The following MTUS1 variants were observed in gnomAD, a reference collection of about 807,000 sequenced individuals.
MTUS1 encodes the protein microtubule associated scaffold protein 1.
In MTUS1, 109 loss-of-function variants were observed where a neutral mutation model predicts 120.8. The ratio of observed to expected loss-of-function variants is 0.90; its 90% confidence interval spans 0.77 to 1.06. The LOEUF (loss-of-function observed/expected upper bound fraction) is 1.06. Among genes scored for constraint, MTUS1 ranks in the 50% least tolerant of loss-of-function variants. The pLI is 0.00. For missense variants in MTUS1, 2,210 were observed against 1,486.3 expected (o/e 1.49, Z -8.01); for synonymous variants, 737 against 550.5 (o/e 1.34, Z -4.74).
chr8:17,694,988 T>G (rs1315983307), intron 6 of MTUS1, among the ~76,000 whole-genome samples: 1 of 152,122 alleles, frequency 6.6e-6, no homozygotes, highest in Non-Finnish European at 1.5e-5. Flanking sequence ...AAGGCTACAA[T>G]CCAGGCCTCT....
chr8:17,725,648 G>GA (rs753881255), intron 3 of MTUS1, among the ~76,000 whole-genome samples: 54 of 152,200 alleles, frequency 3.5e-4, no homozygotes, highest in South Asian at 8.3e-4. Flanking sequence ...TCCTAAATGT[G>GA]AAAATTAAGG....
chr8:17,721,669 A>T, intron 4 of MTUS1: 1 of 1,524,174 alleles, frequency 6.6e-7, no homozygotes, highest in Non-Finnish European at 8.8e-7. Flanking sequence ...ATAAAAATTT[A>T]AGCATGCTTA....
At chr8:17,669,612 G>A (rs913535454) in intron 8 of MTUS1, among the ~76,000 whole-genome samples, 9 of 152,098 alleles carry the variant, frequency 5.9e-5, no homozygotes, top group Non-Finnish European at 1.2e-4. Context: ...TTGGGAGGCC[G>A]CAGCAGGTGG....
rs759412671 is a variant in MTUS1 at position 17,754,012 on chromosome 8, T to C, written c.1796A>G (p.His599Arg). The C allele has an allele frequency of 6.2e-7, 1 of 1,614,222 alleles. No individual in the cohort carries two copies. The highest frequency in any genetic ancestry group is 1.1e-5 in the South Asian group (1 of 91,084). The change falls in exon 2 of 15, where the codon CAC becomes CGC. Residue 599 changes from histidine (H) to arginine (R), a missense_variant. Coordinates refer to ENST00000693296, the MANE Select transcript of MTUS1 (RefSeq NM_001363059.2). ...GGCAGATGTTGTTCTTGGAACCCTG[T>C]GTGAAGCATTTTTAGAATGAGTTGT... ...HVTTHSKNAS[H>R]RVPRTTSAVK... is the part of the protein sequence containing the mutation.
intron 9 of MTUS1, among the ~76,000 whole-genome samples, 159 bp downstream of exon 9, chr8:17,655,704 C>A (rs895017867): frequency 9.2e-5 from 14 of 152,078 alleles, no homozygotes; most frequent in African/African-American, 2.7e-4. Context: ...AGCCTCCAGC[C>A]TGGGAGACAG....
At chr8:17,660,560 G>A (rs548956762) in intron 8 of MTUS1, among the ~76,000 whole-genome samples, 85 of 152,194 alleles carry the variant, frequency 5.6e-4, no homozygotes, top group Admixed American at 4.7e-3. Context: ...AGAAGGAATT[G>A]CTGACTCATA....
rs531142336 is a variant in MTUS1, at chr8:17,649,232, T to C, written c.3501+614A>G. The stretch of plus-strand genomic sequence containing the variant: ...CCACCACACCCGGCTAAGTTTTATA[T>C]TTTTAGTAGAGACAGGGTTTCACCA... On this transcript the variant is annotated intron_variant, in intron 13 of 14. Coordinates refer to ENST00000693296, the MANE Select transcript of MTUS1 (RefSeq NM_001363059.2). Among the ~76,000 whole-genome samples, 4 of 152,082 alleles carry C rather than the reference T, an allele frequency of 2.6e-5. No individual in the cohort carries two copies. In the South Asian group the frequency reaches 8.3e-4, roughly 32 times the overall value.
At chr8:17,661,390 T>C (rs1356965899) in intron 8 of MTUS1, among the ~76,000 whole-genome samples, 7 of 152,192 alleles carry the variant, frequency 4.6e-5, no homozygotes, top group Admixed American at 2.0e-4. Flanking sequence ...GAAGCTCATA[T>C]CTGGGACAGA....
intron 7 of MTUS1, among the ~76,000 whole-genome samples, chr8:17,683,696 G>A (rs941844147): frequency 9.2e-5 from 14 of 152,072 alleles, no homozygotes; most frequent in Non-Finnish European, 1.3e-4. Flanking sequence ...GTTGCCCCCT[G>A]AGATAATTAC....
rs3739415 is a variant in MTUS1 at position 17,645,399 on chromosome 8, T to C, written c.*527A>G. The C allele has an allele frequency of 0.038, 5,865 of 153,064 alleles. 252 individuals are homozygous for C. The highest frequency in any genetic ancestry group is 0.11 in the South Asian group (533 of 4,832). 9.5% of individuals were successfully genotyped at this position (153,064 alleles called of 1,614,324 possible). A position where few individuals can be genotyped will look rare whatever the true frequency, so the allele number is the denominator to read the frequency against. ...TGGCTGAAATGTATATGCTGATTGA[T>C]TGATTATTATTTGATTAGTACATAT... is the stretch of plus-strand genomic sequence containing the variant. On this transcript the variant is annotated 3_prime_UTR_variant, in exon 15 of 15. Transcript: ENST00000693296.
At chr8:17,726,691 C>A (rs1370805592) in intron 3 of MTUS1, among the ~76,000 whole-genome samples, 2 of 152,116 alleles carry the variant, frequency 1.3e-5, no homozygotes, top group Non-Finnish European at 2.9e-5. Flanking sequence ...AGCAAATACA[C>A]ACTTTAAAAA....
At position 17,755,232 on chromosome 8, in the gene MTUS1, T is replaced by C; in HGVS notation, c.576A>G (p.Pro192=). Residue 192 remains proline (P), a synonymous_variant, in exon 2 of 15, where the codon CCA becomes CCG. Transcript: ENST00000693296. ...ATGTACTTCCACTTCTCCTACCAGT[T>C]GGTGGCAGGCTTCCAGCAGTATGGA... is the stretch of plus-strand genomic sequence containing the variant. ...QSFHTAGSLP[P]TGRRSGSTSS... 1 of 1,614,212 alleles carries C rather than the reference T, an allele frequency of 6.2e-7. No homozygotes were observed. The highest frequency in any genetic ancestry group is 1.1e-5 in the South Asian group (1 of 91,086).
intron 6 of MTUS1, among the ~76,000 whole-genome samples, chr8:17,689,840 G>A (rs764594549): frequency 2.9e-5 from 4 of 138,998 alleles, no homozygotes; most frequent in Non-Finnish European, 4.6e-5. Flanking sequence ...CAGAGAAACT[G>A]GAGACCTATC....
intron 8 of MTUS1, among the ~76,000 whole-genome samples, chr8:17,667,767 C>G (rs978403967): frequency 1.3e-5 from 2 of 152,200 alleles, no homozygotes; most frequent in Non-Finnish European, 2.9e-5. Flanking sequence ...TATGCAAGCT[C>G]TTTGCTTTCC....
intron 1 of MTUS1, among the ~76,000 whole-genome samples, chr8:17,761,177 T>C (rs368643623): frequency 1.3e-5 from 2 of 152,122 alleles, no homozygotes; most frequent in Non-Finnish European, 2.9e-5. Flanking sequence ...CTGAAAGAAA[T>C]GGTCAAAGAA....
chr8:17,670,615 G>C (rs577800620), intron 8 of MTUS1, among the ~76,000 whole-genome samples: 1 of 152,168 alleles, frequency 6.6e-6, no homozygotes, highest in African/African-American at 2.4e-5. Context: ...CTTGAGGCAA[G>C]TGTTAGAGAC....
intron 6 of MTUS1, chr8:17,697,276 G>T: frequency 6.2e-7 from 1 of 1,613,894 alleles, no homozygotes; most frequent in Non-Finnish European, 8.5e-7. Flanking sequence ...AAACAACAGT[G>T]CTTCTCCTAA....
At chr8:17,720,203 G>A (rs2045721078) in intron 4 of MTUS1, among the ~76,000 whole-genome samples, 1 of 151,920 alleles carries the variant, frequency 6.6e-6, no homozygotes, top group Admixed American at 6.6e-5. Flanking sequence ...AAATTAGCCG[G>A]GCATGATGGG....
At chr8:17,651,439 C>T (rs1402748275) in intron 12 of MTUS1, among the ~76,000 whole-genome samples, 1 of 152,038 alleles carries the variant, frequency 6.6e-6, no homozygotes, top group Non-Finnish European at 1.5e-5. Flanking sequence ...TGTCTCAACA[C>T]ATCACACGTA....
Sources: gnomAD v4.1 joint callset for allele counts (sites outside exome capture counted in the v4.1 genomes callset) on GRCh38, gnomAD v4.1.1 for gene constraint, MANE v1.5 for transcripts, NCBI Gene and HGNC (gene_info 2026-07-23, HGNC 2026-07-21) for gene names.